The following SEC11A variants were observed in gnomAD, a reference collection of about 807,000 sequenced individuals.
The protein encoded by SEC11A is signal peptidase complex catalytic subunit SEC11A.
A neutral mutation model predicts 25.6 loss-of-function variants in SEC11A; 14 were observed. The observed-to-expected ratio is 0.55, with a 90% CI of 0.36 to 0.85. The LOEUF is 0.85. Ranked by LOEUF, SEC11A falls within the 40% of genes least tolerant of loss-of-function variation. The pLI is 0.01. For missense variants in SEC11A, 153 were observed against 222.9 expected, an observed-to-expected ratio of 0.69 and a Z score of 2.00; for synonymous variants, 83 against 76.4, an observed-to-expected ratio of 1.09 and a Z score of -0.45.
rs34873142 is a variant in SEC11A, at chr15:84,714,018, CTTTTTTTTT to C, written c.51+1998_51+2006del. Among the ~76,000 whole-genome samples the C allele has an allele frequency of 1.3e-4, 13 of 100,432 alleles. 1 individual carries two copies. Among genetic ancestry groups the C allele is most frequent in the African/African-American group, 3.6e-4 (9 of 25,326 alleles). The allele number at this position is 100,432 out of a possible 152,430, so 65.9% of individuals were successfully genotyped here. On this transcript the variant is annotated intron_variant, in intron 1 of 5. Coordinates refer to ENST00000268220, the MANE Select transcript of SEC11A (RefSeq NM_014300.4). ...AAATCCACATCCTGCCATATACCTT[CTTTTTTTTT>C]TTTTTTTTTTTTTGAGACGGAGTCT...
chr15:84,693,334 C>A, intron 1 of SEC11A, among the ~76,000 whole-genome samples: 1 of 148,932 alleles, frequency 6.7e-6, no homozygotes, highest in African/African-American at 2.5e-5. Flanking sequence ...CAAACTTTGG[C>A]TGGATCTTGG....
intron 4 of SEC11A, among the ~76,000 whole-genome samples, chr15:84,674,552 AT>A (rs1897085057): frequency 6.6e-6 from 1 of 150,768 alleles, no homozygotes; most frequent in Non-Finnish European, 1.5e-5. Context: ...AATCCATGGA[AT>A]TTAAAAAAAA....
intron 3 of SEC11A, among the ~76,000 whole-genome samples, chr15:84,682,549 A>G (rs541232647): frequency 2.0e-5 from 3 of 152,106 alleles, no homozygotes; most frequent in Non-Finnish European, 4.4e-5. Context: ...CCTGGGTTCA[A>G]GCGATTCTCC....
intron 1 of SEC11A, 50 bp from the exon 2 acceptor site, chr15:84,691,694 G>A: frequency 1.0e-6 from 1 of 962,980 alleles, no homozygotes. Flanking sequence ...CCCCACTTCG[G>A]AAAGCAACTG....
At chr15:84,688,893 T>C (rs1455615335) in intron 2 of SEC11A, among the ~76,000 whole-genome samples, 1 of 151,888 alleles carries the variant, frequency 6.6e-6, no homozygotes, top group Non-Finnish European at 1.5e-5. Flanking sequence ...TAGGTGAGCA[T>C]GGTGGCGCAC....
intron 2 of SEC11A, among the ~76,000 whole-genome samples, chr15:84,690,806 G>A (rs1897582268): frequency 6.6e-6 from 1 of 152,088 alleles, no homozygotes. Context: ...ATTCTATCCT[G>A]ACATTGAGAA....
chr15:84,687,683 AAAC>A lies in SEC11A; in HGVS notation c.250_252del (p.Val84del), dbSNP rs779374409. The A allele has an allele frequency of 3.1e-6, 5 of 1,601,770 alleles. No individual in the cohort carries two copies. The highest frequency in any genetic ancestry group is 4.2e-6 in the Non-Finnish European group (5 of 1,177,332). Reference sequence around the variant, plus strand: ...GGAATCTCTCTTCCTTCTATCCTAAAAACAACAATTTCTCCCACTCGTATGGGA... The same window carrying A: ...GGAATCTCTCTTCCTTCTATCCTAAAAACAATTTCTCCCACTCGTATGGGA... On this transcript the variant is annotated inframe_deletion, in exon 3 of 6. Coordinates refer to ENST00000268220, the MANE Select transcript of SEC11A (RefSeq NM_014300.4).
chr15:84,715,904 T>G, intron 1 of SEC11A, 121 bp downstream of exon 1: 1 of 888,984 alleles, frequency 1.1e-6, no homozygotes. Context: ...AGAAAGCGAA[T>G]GACCCGGGTA....
intron 3 of SEC11A, among the ~76,000 whole-genome samples, chr15:84,685,001 A>T (rs1207012216): frequency 6.6e-6 from 1 of 152,172 alleles, no homozygotes; most frequent in Non-Finnish European, 1.5e-5. Context: ...TCCCCAAAAG[A>T]AAAAAAGAAA....
At chr15:84,685,219 T>G (rs974627816) in intron 3 of SEC11A, among the ~76,000 whole-genome samples, 4 of 152,168 alleles carry the variant, frequency 2.6e-5, no homozygotes, top group African/African-American at 9.7e-5. Context: ...CAGAAGCAGT[T>G]TTAAACTTAA....
chr15:84,680,988 T>C (rs1897270531), intron 3 of SEC11A, among the ~76,000 whole-genome samples, 156 bp from the exon 4 acceptor site: 6 of 152,220 alleles, frequency 3.9e-5, no homozygotes, highest in Admixed American at 3.9e-4. Flanking sequence ...AGAATGTTAA[T>C]AGCTGTGTTG....
In SEC11A at chr15:84,669,821, C is replaced by A. The variant is rs1596064213; in HGVS notation, c.*198G>T. On this transcript the variant is annotated 3_prime_UTR_variant, in exon 6 of 6. Transcript: ENST00000268220. ...ATTATGAAATCCTGTGACTGAAAGT[C>A]CCCTCGAGTGCACTCTGTGGTGCAC... The A allele has an allele frequency of 1.4e-6, 1 of 719,584 alleles. No homozygotes were observed. The highest frequency in any genetic ancestry group is 3.2e-5 in the East Asian group (1 of 31,554). 44.6% of individuals were successfully genotyped at this position (719,584 alleles called of 1,614,324 possible).
chr15:84,685,797 C>CTTTTTTTTTT (rs72000042), intron 3 of SEC11A: 4 of 90,808 alleles, frequency 4.4e-5, no homozygotes, highest in Non-Finnish European at 6.0e-5. Flanking sequence ...AAATAAATTT[C>CTTTTTTTTTT]TTTTTTTTTT....
intron 1 of SEC11A, among the ~76,000 whole-genome samples, chr15:84,713,759 G>A (rs1898364738): frequency 6.6e-6 from 1 of 152,166 alleles, no homozygotes; most frequent in East Asian, 1.9e-4. Context: ...AGCCTATCTA[G>A]CAGGTTTGCA....
intron 1 of SEC11A, among the ~76,000 whole-genome samples, chr15:84,709,324 C>T (rs1898192564): frequency 6.6e-6 from 1 of 152,044 alleles, no homozygotes; most frequent in Admixed American, 6.6e-5. Flanking sequence ...ACCACCGCAC[C>T]TAGCTATCAT....
In SEC11A at chr15:84,716,013, G is replaced by T; in HGVS notation, c.51+12C>A. On this transcript the variant is annotated intron_variant, in intron 1 of 5. Transcript: ENST00000268220. ...AGAAGAGCCAGGAGAAAAAGAGGAC[G>T]GACAAGCTCACCTGCCGCTTGTTCA... 1 of 1,612,850 alleles carries T rather than the reference G, an allele frequency of 6.2e-7. No homozygotes were observed. Among genetic ancestry groups the T allele is most frequent in the South Asian group, 1.1e-5 (1 of 90,912 alleles).
intron 1 of SEC11A, among the ~76,000 whole-genome samples, chr15:84,698,838 G>A (rs937814923): frequency 2.0e-5 from 3 of 151,952 alleles, no homozygotes; most frequent in Admixed American, 6.6e-5. Context: ...ATGTTCAACC[G>A]GTAAAATGCA....
intron 3 of SEC11A, among the ~76,000 whole-genome samples, chr15:84,681,895 A>G (rs952002994): frequency 2.0e-5 from 3 of 152,164 alleles, no homozygotes; most frequent in African/African-American, 7.2e-5. Context: ...CCTGGGCAAC[A>G]TGGCAAAGCA....
intron 1 of SEC11A, among the ~76,000 whole-genome samples, chr15:84,707,425 C>A (rs1898129042): frequency 6.6e-6 from 1 of 152,018 alleles, no homozygotes; most frequent in African/African-American, 2.4e-5. Flanking sequence ...GCCTCATGAT[C>A]CACCCACCTC....
Sources: gnomAD v4.1 joint callset for allele counts (sites outside exome capture counted in the v4.1 genomes callset) on GRCh38, gnomAD v4.1.1 for gene constraint, MANE v1.5 for transcripts, NCBI Gene and HGNC (gene_info 2026-07-23, HGNC 2026-07-21) for gene names.